Variants in DRAM1 observed in about 807,000 individuals in gnomAD.
The protein encoded by DRAM1 is DNA damage regulated autophagy modulator 1.
In DRAM1, 25 loss-of-function variants were observed where a neutral mutation model predicts 28.5. That is an observed-to-expected ratio of 0.88 (90% CI 0.64 to 1.23). The LOEUF (loss-of-function observed/expected upper bound fraction) is 1.23, where lower values mean the gene tolerates loss of function less well. Ranked by LOEUF, DRAM1 falls within the 50% of genes most tolerant of loss-of-function variation. The probability of loss-of-function intolerance (pLI) is 0.00; values close to 1 mark genes in which losing one functional copy is unlikely to be tolerated. For synonymous variants in DRAM1, 113 were observed against 114.2 expected (o/e 0.99, Z 0.07); for missense variants, 249 against 299.2 (o/e 0.83, Z 1.24).
chr12:101,919,280 A>G (rs549439627), intron 5 of DRAM1, among the ~76,000 whole-genome samples: 3 of 146,528 alleles, frequency 2.0e-5, no homozygotes, highest in Non-Finnish European at 4.5e-5. Flanking sequence ...ACAGACACAC[A>G]CACGCACACA....
At chr12:101,890,749 ATTTTTTT>A (rs10616632) in intron 1 of DRAM1, among the ~76,000 whole-genome samples, 37 of 135,736 alleles carry the variant, frequency 2.7e-4, no homozygotes, top group Middle Eastern at 7.6e-3. Context: ...CCGCCATTCT[ATTTTTTT>A]TTTTTTTTTT....
chr12:101,899,871 A>G (rs907793188), intron 2 of DRAM1, among the ~76,000 whole-genome samples: 2 of 152,208 alleles, frequency 1.3e-5, no homozygotes, highest in East Asian at 1.9e-4. Flanking sequence ...ATTGTCCAAC[A>G]TTTAGGCTAT....
At position 101,901,445 on chromosome 12, in the gene DRAM1, A is replaced by C. The variant is rs115387438; in HGVS notation, c.342+12A>C. ...TCGCCAATTTTCAGGTATAATCTGG[A>C]GCTTTTTCAGTTATGAGGAGTGGTG... On this transcript the variant is annotated intron_variant, in intron 3 of 6. Transcript: ENST00000258534. 6.2e-6 allele frequency: 10 copies of C among 1,613,258 alleles called. No individual in the cohort carries two copies. In the African/African-American group the frequency reaches 1.2e-4, roughly 19 times the overall value.
intron 1 of DRAM1, among the ~76,000 whole-genome samples, chr12:101,887,196 A>G (rs1872917967): frequency 6.6e-6 from 1 of 152,112 alleles, no homozygotes; most frequent in South Asian, 2.1e-4. Flanking sequence ...AAAAAGAGAC[A>G]AATTGTCCGA....
intron 1 of DRAM1, among the ~76,000 whole-genome samples, chr12:101,887,205 G>A (rs981896150): frequency 3.3e-5 from 5 of 151,654 alleles, no homozygotes; most frequent in African/African-American, 7.2e-5. Context: ...CAAATTGTCC[G>A]AAAAAAATTT....
chr12:101,884,263 C>T (rs1302827211), intron 1 of DRAM1, among the ~76,000 whole-genome samples: 2 of 120,746 alleles, frequency 1.7e-5, no homozygotes, highest in Admixed American at 8.1e-5. Flanking sequence ...GTAGGATGCA[C>T]CTACAGTCCC....
chr12:101,894,070 A>G (rs1873249209), intron 1 of DRAM1, among the ~76,000 whole-genome samples: 1 of 152,046 alleles, frequency 6.6e-6, no homozygotes, highest in African/African-American at 2.4e-5. Context: ...AGCTGGGACT[A>G]CAGGTAGGTG....
intron 1 of DRAM1, among the ~76,000 whole-genome samples, chr12:101,897,175 A>G (rs1437722693): frequency 1.3e-5 from 2 of 150,666 alleles, no homozygotes; most frequent in Non-Finnish European, 2.9e-5. Flanking sequence ...TTAACATGCC[A>G]ATATTAGAAT....
intron 4 of DRAM1, among the ~76,000 whole-genome samples, chr12:101,911,506 T>C (rs1874039391): frequency 6.6e-6 from 1 of 152,198 alleles, no homozygotes; most frequent in Non-Finnish European, 1.5e-5. Context: ...TTCATCCTTG[T>C]TTTTAGGGCT....
At chr12:101,904,635 G>T (rs1430319352) in intron 3 of DRAM1, among the ~76,000 whole-genome samples, 2 of 150,858 alleles carry the variant, frequency 1.3e-5, no homozygotes, top group African/African-American at 4.9e-5. Flanking sequence ...TAGAGATGGG[G>T]TTTCACCACA....
chr12:101,888,153 G>C (rs1872958263), intron 1 of DRAM1, among the ~76,000 whole-genome samples: 1 of 152,094 alleles, frequency 6.6e-6, no homozygotes, highest in Non-Finnish European at 1.5e-5. Context: ...TTTTGAGACA[G>C]AGTTTTTGCT....
In DRAM1 at chr12:101,882,809, A is replaced by C. The variant is rs868477543; in HGVS notation, c.131+4889A>C. Among the ~76,000 whole-genome samples the C allele has an allele frequency of 1.9e-3, 260 of 133,648 alleles. 1 individual carries two copies. The highest frequency in any genetic ancestry group is 8.8e-3 in the Middle Eastern group (2 of 228). 87.7% of individuals were successfully genotyped at this position (133,648 alleles called of 152,430 possible). The stretch of plus-strand genomic sequence containing the variant: ...CTATGGAAATGACAGATACACACAC[A>C]CCCCCCCATCATTTGATGCAACAGC... On this transcript the variant is annotated intron_variant, in intron 1 of 6. Coordinates refer to ENST00000258534, the MANE Select transcript of DRAM1 (RefSeq NM_018370.3).
Position 101,901,280 on chromosome 12 carries a change from T to G in DRAM1, c.200-11T>G, listed in dbSNP as rs1343102470. 1 of 1,607,082 alleles carries G rather than the reference T, an allele frequency of 6.2e-7. No homozygotes were observed. The highest frequency in any genetic ancestry group is 8.5e-7 in the Non-Finnish European group (1 of 1,177,392). ...ATTATGAACATTCATCAAAGTTCTCTTCTTTTTCAGGTGCAGCCACGATGT... is the reference window on the plus strand; with the variant it reads ...ATTATGAACATTCATCAAAGTTCTCGTCTTTTTCAGGTGCAGCCACGATGT... On this transcript the variant is annotated splice_polypyrimidine_tract_variant and intron_variant, in intron 2 of 6. Coordinates refer to ENST00000258534, the MANE Select transcript of DRAM1 (RefSeq NM_018370.3).
chr12:101,892,485 C>T (rs1647855547), intron 1 of DRAM1, among the ~76,000 whole-genome samples: 2 of 151,612 alleles, frequency 1.3e-5, no homozygotes, highest in Admixed American at 1.3e-4. Context: ...AGCCCCTAAC[C>T]TCAAGTGATC....
At chr12:101,905,596 ATT>A (rs1022665332) in intron 3 of DRAM1, among the ~76,000 whole-genome samples, 1 of 150,194 alleles carries the variant, frequency 6.7e-6, no homozygotes, top group Non-Finnish European at 1.5e-5. Flanking sequence ...ATTTATTTTT[ATT>A]TTATTTTTTG....
chr12:101,917,525 A>T (rs1346497196), intron 5 of DRAM1, among the ~76,000 whole-genome samples: 1 of 86,446 alleles, frequency 1.2e-5, no homozygotes, highest in African/African-American at 4.2e-5. Flanking sequence ...TGTCTGTACT[A>T]AAAAAAAAAA....
rs1408616159 is a variant in DRAM1, at chr12:101,877,909, C to T, written c.120C>T (p.Leu40=). The stretch of plus-strand genomic sequence containing the variant: ...TCTCCGGGCACGTCAACCCCTTCCT[C>T]CCGTATATCAGGTGAGTGGCAGGGT... ...AVLSGHVNPF[L]PYISDTGTTP... The change falls in exon 1 of 7, where the codon CTC becomes CTT. Residue 40 remains leucine, a synonymous_variant. Coordinates refer to ENST00000258534, the MANE Select transcript of DRAM1 (RefSeq NM_018370.3). This position sits in a 1 kb window ranked among gnomAD's most constrained non-coding sequence, Gnocchi z 4.1. The T allele has an allele frequency of 6.5e-7, 1 of 1,537,142 alleles. No individual in the cohort carries two copies. The highest frequency in any genetic ancestry group is 2.5e-5 in the East Asian group (1 of 40,330).
chr12:101,895,186 G>GTTTGTTTTTTTT (rs1372490429), intron 1 of DRAM1, among the ~76,000 whole-genome samples: 3 of 75,720 alleles, frequency 4.0e-5, no homozygotes, highest in African/African-American at 1.7e-4. Context: ...AACCCTTCAG[G>GTTTGTTTTTTTT]TTTTTTTTTT....
intron 1 of DRAM1, among the ~76,000 whole-genome samples, chr12:101,891,371 T>C (rs1873121514): frequency 6.6e-6 from 1 of 152,230 alleles, no homozygotes; most frequent in African/African-American, 2.4e-5. Context: ...ACCATAATTC[T>C]AGGCTTTGGA....
Sources: gnomAD v4.1 joint callset for allele counts (sites outside exome capture counted in the v4.1 genomes callset) on GRCh38, gnomAD v4.1.1 for gene constraint, Gnocchi (gnomAD v3.1) non-coding constraint, MANE v1.5 for transcripts, NCBI Gene and HGNC (gene_info 2026-07-23, HGNC 2026-07-21) for gene names.